SERGEF: variants seen among roughly 807,000 people sequenced by gnomAD.
SERGEF encodes secretion regulating guanine nucleotide exchange factor.
A neutral mutation model predicts 50.0 loss-of-function variants in SERGEF; 51 were observed. The observed-to-expected ratio is 1.02, with a 90% CI of 0.81 to 1.29. The LOEUF (loss-of-function observed/expected upper bound fraction) is 1.29, where lower values mean the gene tolerates loss of function less well. Among genes scored for constraint, SERGEF ranks in the 50% most tolerant of loss-of-function variants. The pLI is 0.00. For synonymous variants in SERGEF, 205 were observed against 212.4 expected, an observed-to-expected ratio of 0.97 and a Z score of 0.30; for missense variants, 521 against 557.0, an observed-to-expected ratio of 0.94 and a Z score of 0.65.
chr11:17,841,590 C>G (rs1850502969), intron 10 of SERGEF, among the ~76,000 whole-genome samples: 1 of 152,200 alleles, frequency 6.6e-6, no homozygotes, highest in African/African-American at 2.4e-5. Context: ...CACCCTCCAT[C>G]AATTCTCAAG....
intron 5 of SERGEF, among the ~76,000 whole-genome samples, chr11:17,998,544 G>GTC (rs1853894166): frequency 7.4e-6 from 1 of 134,650 alleles, no homozygotes; most frequent in Non-Finnish European, 1.6e-5. Context: ...GTGTGTGTGT[G>GTC]TGTATGTGTA....
At chr11:17,985,355 G>C (rs1364787225) in intron 8 of SERGEF, among the ~76,000 whole-genome samples, 1 of 152,154 alleles carries the variant, frequency 6.6e-6, no homozygotes, top group Non-Finnish European at 1.5e-5. Flanking sequence ...TCAGAGTTGA[G>C]GAAACTGAGG....
intron 8 of SERGEF, among the ~76,000 whole-genome samples, chr11:17,971,177 C>G (rs1394949368): frequency 1.3e-5 from 2 of 151,954 alleles, no homozygotes; most frequent in Non-Finnish European, 2.9e-5. Context: ...CTGGGCGACG[C>G]AGCGAGACTC....
rs934680204 is a variant in SERGEF at position 17,816,379 on chromosome 11, T to A, written c.1049-27966A>T. On this transcript the variant is annotated intron_variant, in intron 10 of 10. Transcript: ENST00000265965. Reference sequence around the variant, plus strand: ...AATCACAGGAATCCAAACATATCTATAAGCAAGCAGGGCTGCCAAGATGAG... The same window carrying A: ...AATCACAGGAATCCAAACATATCTAAAAGCAAGCAGGGCTGCCAAGATGAG... Among the ~76,000 whole-genome samples, 5 of 152,292 alleles carry A rather than the reference T, an allele frequency of 3.3e-5. No individual in the cohort carries two copies. In the South Asian group the frequency reaches 1.0e-3, roughly 32 times the overall value.
At chr11:17,957,512 G>A (rs886424204) in intron 9 of SERGEF, among the ~76,000 whole-genome samples, 14 of 152,154 alleles carry the variant, frequency 9.2e-5, no homozygotes, top group African/African-American at 3.4e-4. Context: ...AAACTAGAGT[G>A]TAAAGCACTA....
At chr11:18,002,083 T>C (rs1314197554) in intron 4 of SERGEF, 4 of 454,678 alleles carry the variant, frequency 8.8e-6, no homozygotes, top group Admixed American at 2.4e-5. Flanking sequence ...CACAATCACA[T>C]TAGCTTACGA....
chr11:17,902,621 CA>C (rs2133921683), intron 9 of SERGEF, among the ~76,000 whole-genome samples: 1 of 152,298 alleles, frequency 6.6e-6, no homozygotes, highest in Admixed American at 6.5e-5. Flanking sequence ...AGCACATGTA[CA>C]AAGAACATAA....
At chr11:18,012,832 C>T (rs1479076628) in intron 1 of SERGEF, 119 bp downstream of exon 1, 1 of 1,391,934 alleles carries the variant, frequency 7.2e-7, no homozygotes, top group South Asian at 1.2e-5. Context: ...GATCCTTCAA[C>T]CCAGAGCCCG....
chr11:18,000,799 C>T (rs1363899668), intron 4 of SERGEF: 3 of 651,866 alleles, frequency 4.6e-6, no homozygotes, highest in South Asian at 4.5e-5. Context: ...CTGGGAGGCA[C>T]TTCTAAGGTC....
intron 8 of SERGEF, among the ~76,000 whole-genome samples, chr11:17,967,541 G>A (rs570032190): frequency 1.3e-5 from 2 of 152,288 alleles, no homozygotes; most frequent in Admixed American, 1.3e-4. Context: ...CCAAATCGGG[G>A]GCAGCAGTGA....
chr11:17,838,506 ACCT>A, intron 10 of SERGEF, among the ~76,000 whole-genome samples: 1 of 152,150 alleles, frequency 6.6e-6, no homozygotes, highest in Non-Finnish European at 1.5e-5. Context: ...TTGACTGAGC[ACCT>A]CCTCTATTCC....
chr11:17,987,814 CA>C (rs1421461682), intron 8 of SERGEF, among the ~76,000 whole-genome samples: 2 of 152,150 alleles, frequency 1.3e-5, no homozygotes, highest in African/African-American at 4.8e-5. Flanking sequence ...AGCTAGCAAG[CA>C]GGACAGGAGT....
chr11:17,994,744 A>G (rs1590240036), intron 6 of SERGEF, among the ~76,000 whole-genome samples: 2 of 152,080 alleles, frequency 1.3e-5, no homozygotes, highest in African/African-American at 4.8e-5. Context: ...GACCTTCCCC[A>G]GCTCAACCCA....
intron 9 of SERGEF, among the ~76,000 whole-genome samples, chr11:17,891,476 A>G (rs1851531375): frequency 6.6e-6 from 1 of 152,234 alleles, no homozygotes; most frequent in African/African-American, 2.4e-5. Flanking sequence ...ACATTTTAAG[A>G]TACTGAATTT....
intron 9 of SERGEF, among the ~76,000 whole-genome samples, chr11:17,929,419 C>T (rs939262589): frequency 2.0e-5 from 3 of 152,076 alleles, no homozygotes; most frequent in South Asian, 2.1e-4. Flanking sequence ...AGGCAGGACA[C>T]GTGTGTGGAC....
intron 8 of SERGEF, among the ~76,000 whole-genome samples, chr11:17,966,500 C>T (rs188275248): frequency 6.6e-6 from 1 of 152,238 alleles, no homozygotes; most frequent in Admixed American, 6.5e-5. Flanking sequence ...AATTATGATG[C>T]CTAAAAATCT....
chr11:17,830,664 G>GAC (rs1850288203), intron 10 of SERGEF, among the ~76,000 whole-genome samples: 2 of 141,724 alleles, frequency 1.4e-5, no homozygotes, highest in African/African-American at 5.1e-5. Context: ...GAGAGAGAGA[G>GAC]AGAGAGAGAG....
chr11:17,799,576 T>A (rs922173161), intron 10 of SERGEF, among the ~76,000 whole-genome samples: 1 of 152,148 alleles, frequency 6.6e-6, no homozygotes, highest in Non-Finnish European at 1.5e-5. Flanking sequence ...CCTCCTTACC[T>A]TGCTCTCCTC....
At chr11:17,844,464 C>T (rs988308805) in intron 10 of SERGEF, among the ~76,000 whole-genome samples, 4 of 152,114 alleles carry the variant, frequency 2.6e-5, no homozygotes, top group African/African-American at 9.7e-5. Flanking sequence ...TACCTCTGAC[C>T]ACCTCTTTCC....
Sources: allele counts gnomAD v4.1 joint callset (sites outside exome capture counted in the v4.1 genomes callset), GRCh38; gene constraint gnomAD v4.1.1; transcripts MANE v1.5; gene names NCBI Gene and HGNC (gene_info 2026-07-23, HGNC 2026-07-21).